The following PKD1L3 variants were observed in gnomAD, a reference collection of about 807,000 sequenced individuals.
PKD1L3 encodes the protein polycystin 1 like 3, transient receptor potential channel interacting.
In PKD1L3, 239 loss-of-function variants were observed where a neutral mutation model predicts 184.1. The ratio of observed to expected loss-of-function variants is 1.30; its 90% confidence interval spans 1.17 to 1.45. PKD1L3 has a LOEUF of 1.45. PKD1L3 is among the 40% of genes most tolerant of loss of function. PKD1L3 has a pLI of 0.00. For missense variants in PKD1L3, 2,660 were observed against 2,067.2 expected (o/e 1.29, Z -5.56); for synonymous variants, 996 against 778.8 (o/e 1.28, Z -4.64).
At chr16:71,992,692 T>C (rs922738788) in intron 3 of PKD1L3, among the ~76,000 whole-genome samples, 5 of 152,226 alleles carry the variant, frequency 3.3e-5, no homozygotes, top group African/African-American at 9.6e-5. Flanking sequence ...TGCTAAGTGA[T>C]ATTTAAAGGG....
At position 71,952,992 on chromosome 16, in the gene PKD1L3, T is replaced by C; in HGVS notation, c.2911A>G (p.Ile971Val). Residue 971 changes from isoleucine to valine, a missense_variant, in exon 18 of 30, where the codon ATT becomes GTT. Transcript: ENST00000620267. Reference sequence around the variant, plus strand: ...AGGGGCAGAGTCTCCTGTGGCTCAATCAACGGGAAGAGCCGCCCTATGACA... The same window carrying C: ...AGGGGCAGAGTCTCCTGTGGCTCAACCAACGGGAAGAGCCGCCCTATGACA... ...NLVIGRLFPLIEPQETLPLFP... is the reference protein window; with the variant it reads ...NLVIGRLFPLVEPQETLPLFP... 2.6e-6 allele frequency: 4 copies of C among 1,549,560 alleles called. No homozygotes were observed. Among genetic ancestry groups the C allele is most frequent in the Non-Finnish European group, 3.5e-6 (4 of 1,146,182 alleles).
chr16:71,964,401 T>C (rs2039414404), intron 15 of PKD1L3, among the ~76,000 whole-genome samples: 3 of 130,418 alleles, frequency 2.3e-5, no homozygotes, highest in Middle Eastern at 4.5e-3. Flanking sequence ...TGCAGTGGTG[T>C]GATCTTGGCT....
intron 26 of PKD1L3, among the ~76,000 whole-genome samples, chr16:71,934,644 G>C (rs950276030): frequency 2.6e-5 from 4 of 152,172 alleles, no homozygotes; most frequent in African/African-American, 9.7e-5. Flanking sequence ...GTTTTGTTTT[G>C]AGAGAGAGAC....
chr16:71,967,237 G>A lies in PKD1L3; in HGVS notation c.2365C>T (p.Arg789Ter), dbSNP rs4788587. The change falls in exon 15 of 30, where the codon CGA becomes TGA. Residue 789 changes from arginine (R) to a stop codon, truncating the protein, a stop_gained. Transcript: ENST00000620267. LOFTEE classifies it high-confidence loss of function. ...AGAAGGAAGACATCCAGGCCCCCTC[G>A]TTCAAAGACTGTCTTCTGGGGGTCA... ...LCDPQKTVFE[R>*]GGLDVFLLTT... is the part of the protein sequence containing the mutation. The A allele has an allele frequency of 0.21, 332,376 of 1,551,210 alleles. 37,600 individuals are homozygous for A. The highest frequency in any genetic ancestry group is 0.38 in the East Asian group (15,547 of 40,888).
chr16:71,998,267 C>T lies in PKD1L3; in HGVS notation c.418+5G>A, dbSNP rs376094120. On this transcript the variant is annotated splice_donor_5th_base_variant and intron_variant, in intron 2 of 29. Transcript: ENST00000620267. Reference sequence around the variant, plus strand: ...TCTTTGGCAGCATGTAGCTTTATCACTTACCAGTCTGGCAAATGAAATAGT... The same window carrying T: ...TCTTTGGCAGCATGTAGCTTTATCATTTACCAGTCTGGCAAATGAAATAGT... 4.9e-4 allele frequency: 761 copies of T among 1,551,924 alleles called. 2 individuals are homozygous for T. Among genetic ancestry groups the T allele is most frequent in the South Asian group, 1.3e-3 (106 of 84,022 alleles).
chr16:71,986,398 T>G lies in PKD1L3; in HGVS notation c.657A>C (p.Ser219=), dbSNP rs1410060897. ...VLSSITSQVT[S]AASEPSSQPL... is the part of the protein sequence containing the mutation. ...GCTGGCTGCTGGGTTCAGATGCGGC[T>G]GATGTTACCTGTGATGTGATACTTG... The change falls in exon 5 of 30, where the codon TCA becomes TCC. Residue 219 remains serine (S), a synonymous_variant. Coordinates refer to ENST00000620267, the MANE Select transcript of PKD1L3 (RefSeq NM_181536.2). 6.4e-7 allele frequency: 1 copy of G among 1,551,810 alleles called. No homozygotes were observed. The highest frequency in any genetic ancestry group is 8.7e-7 in the Non-Finnish European group (1 of 1,146,950).
At chr16:71,964,875 C>G (rs1405887779) in intron 15 of PKD1L3, among the ~76,000 whole-genome samples, 1 of 137,520 alleles carries the variant, frequency 7.3e-6, no homozygotes, top group Non-Finnish European at 1.6e-5. Flanking sequence ...GAGGCAGGAT[C>G]TTGCTCTGTT....
rs185034505 is a variant in PKD1L3 at position 71,935,102 on chromosome 16, T to C, written c.4613+256A>G. Reference sequence around the variant, plus strand: ...AAAATAATGACCAATTCCAGGCCCTTCTGAAATTTAAATGCATTATCCTTA... The same window carrying C: ...AAAATAATGACCAATTCCAGGCCCTCCTGAAATTTAAATGCATTATCCTTA... On this transcript the variant is annotated intron_variant, in intron 26 of 29. Transcript: ENST00000620267. Among the ~76,000 whole-genome samples the C allele has an allele frequency of 3.0e-3, 464 of 152,350 alleles. 1 individual carries two copies. The highest frequency in any genetic ancestry group is 5.7e-3 in the Non-Finnish European group (387 of 68,040).
chr16:71,977,752 A>G (rs745606419), intron 10 of PKD1L3, among the ~76,000 whole-genome samples: 5 of 151,398 alleles, frequency 3.3e-5, no homozygotes, highest in Non-Finnish European at 5.9e-5. Context: ...GGATAAGTAC[A>G]TAGTCCCAGA....
In PKD1L3 at chr16:71,963,202, T is replaced by A; in HGVS notation, c.2612+3A>T. 1 of 1,545,792 alleles carries A rather than the reference T, an allele frequency of 6.5e-7. No homozygotes were observed. On this transcript the variant is annotated splice_donor_region_variant and intron_variant, in intron 16 of 29. Coordinates refer to ENST00000620267, the MANE Select transcript of PKD1L3 (RefSeq NM_181536.2). ...ACTGTTAATAGTAATTTTCCAACAG[T>A]ACCTAAAGGAAAAGAGCTCTCTCTT...
intron 4 of PKD1L3, among the ~76,000 whole-genome samples, chr16:71,990,067 A>G (rs531601602): frequency 3.5e-5 from 5 of 141,488 alleles, no homozygotes; most frequent in South Asian, 2.3e-4. Flanking sequence ...TGACAAAGTG[A>G]GACCCTGTCT....
chr16:71,964,225 A>T (rs2039402019), intron 15 of PKD1L3, among the ~76,000 whole-genome samples: 1 of 150,464 alleles, frequency 6.6e-6, no homozygotes, highest in Non-Finnish European at 1.5e-5. Flanking sequence ...CTATTCGGCA[A>T]ACCTCCTCCT....
At chr16:71,942,507 T>G in intron 24 of PKD1L3, 53 bp downstream of exon 24, 4 of 1,437,274 alleles carry the variant, frequency 2.8e-6, no homozygotes, top group Non-Finnish European at 3.8e-6. Flanking sequence ...TTGCACTTAT[T>G]GAACAGCCTT....
intron 1 of PKD1L3, among the ~76,000 whole-genome samples, chr16:71,998,734 A>G (rs1392506608): frequency 6.6e-6 from 1 of 151,658 alleles, no homozygotes; most frequent in Non-Finnish European, 1.5e-5. Flanking sequence ...TACAGGCGTG[A>G]GCCACCACAC....
intron 2 of PKD1L3, among the ~76,000 whole-genome samples, chr16:71,997,439 C>T (rs542843942): frequency 6.1e-4 from 93 of 151,444 alleles, no homozygotes; most frequent in African/African-American, 2.0e-3. Context: ...ACTCCCCACT[C>T]CACCGTCTCC....
intron 17 of PKD1L3, 38 bp downstream of exon 17, chr16:71,954,067 G>T (rs1477755153): frequency 7.1e-7 from 1 of 1,412,382 alleles, no homozygotes. Flanking sequence ...AAAAAGGATT[G>T]CTTACTACAA....
At chr16:71,969,595 A>G (rs2039633810) in intron 13 of PKD1L3, among the ~76,000 whole-genome samples, 2 of 151,028 alleles carry the variant, frequency 1.3e-5, no homozygotes, top group South Asian at 4.2e-4. Flanking sequence ...TATAGGCATG[A>G]GCCACTACAC....
chr16:71,979,420 G>A (rs1474030483), intron 9 of PKD1L3, among the ~76,000 whole-genome samples: 2 of 151,856 alleles, frequency 1.3e-5, no homozygotes, highest in Non-Finnish European at 2.9e-5. Flanking sequence ...CTCCAGCCTG[G>A]GTGACAGATT....
Position 71,987,734 on chromosome 16 carries a change from G to A in PKD1L3, c.586-1265C>T, listed in dbSNP as rs558513590. ...TGCCCAGGCTGGTCTTGAACTCCTA[G>A]CTTAAGCGATCCTCCTGCCTCGGAG... is the stretch of plus-strand genomic sequence containing the variant. On this transcript the variant is annotated intron_variant, in intron 4 of 29. Transcript: ENST00000620267. Among the ~76,000 whole-genome samples, 93 of 152,244 alleles carry A rather than the reference G, an allele frequency of 6.1e-4. 2 individuals carry two copies. Among genetic ancestry groups the A allele is most frequent in the South Asian group, 5.6e-3 (27 of 4,824 alleles).
Sources: allele counts gnomAD v4.1 joint callset (sites outside exome capture counted in the v4.1 genomes callset), GRCh38; gene constraint gnomAD v4.1.1; transcripts MANE v1.5; gene names NCBI Gene and HGNC (gene_info 2026-07-23, HGNC 2026-07-21).